SUSD1: variants seen among roughly 807,000 people sequenced by gnomAD.
SUSD1 encodes the protein sushi domain containing 1.
A neutral mutation model predicts 86.9 loss-of-function variants in SUSD1; 65 were observed. That is an observed-to-expected ratio of 0.75 (90% CI 0.61 to 0.92). SUSD1 has a LOEUF of 0.92. Ranked by LOEUF, SUSD1 falls within the 40% of genes least tolerant of loss-of-function variation. The pLI is 0.00. For missense variants in SUSD1, 850 were observed against 929.7 expected, an observed-to-expected ratio of 0.91 and a Z score of 1.11; for synonymous variants, 346 against 350.0, an observed-to-expected ratio of 0.99 and a Z score of 0.13.
chr9:112,097,491 C>T lies in SUSD1; in HGVS notation c.1474+979G>A, dbSNP rs562976391. The stretch of plus-strand genomic sequence containing the variant: ...TCGGCTCACTGCAACCTCTGCCTCC[C>T]GGGTTCAGTGATTCTCTTGCCTCAG... On this transcript the variant is annotated intron_variant, in intron 10 of 16. Transcript: ENST00000374270. Among the ~76,000 whole-genome samples the T allele has an allele frequency of 4.3e-4, 65 of 149,866 alleles. 2 individuals are homozygous for T. Among genetic ancestry groups the T allele is most frequent in the African/African-American group, 1.5e-3 (63 of 40,732 alleles).
At chr9:112,158,183 A>G (rs1589743710) in intron 1 of SUSD1, among the ~76,000 whole-genome samples, 2 of 151,712 alleles carry the variant, frequency 1.3e-5, no homozygotes, top group East Asian at 3.9e-4. Context: ...ATTGTTTCCG[A>G]GCCCCAACCA....
intron 5 of SUSD1, among the ~76,000 whole-genome samples, chr9:112,124,855 A>T (rs1429400754): frequency 6.6e-6 from 1 of 152,242 alleles, no homozygotes; most frequent in African/African-American, 2.4e-5. Flanking sequence ...TAATGGAGAA[A>T]GTATTTATCT....
intron 6 of SUSD1, among the ~76,000 whole-genome samples, chr9:112,115,817 A>G (rs10981263): frequency 1.2e-3 from 23 of 19,130 alleles, no homozygotes; most frequent in African/African-American, 4.4e-3. Context: ...GCAAAAAAAA[A>G]AAAAAAGAAA....
chr9:112,151,733 CTCTACTAAAAATA>C (rs1833054508), intron 2 of SUSD1, among the ~76,000 whole-genome samples: 1 of 151,580 alleles, frequency 6.6e-6, no homozygotes, highest in Non-Finnish European at 1.5e-5. Context: ...GAAACCCCGT[CTCTACTAAAAATA>C]CAAAAATTAG....
At chr9:112,153,534 A>G (rs1833157319) in intron 2 of SUSD1, among the ~76,000 whole-genome samples, 1 of 152,192 alleles carries the variant, frequency 6.6e-6, no homozygotes, top group Admixed American at 6.6e-5. Context: ...ACATTCTAAA[A>G]TAATGATAAA....
chr9:112,135,763 C>T (rs1832236287), intron 5 of SUSD1, among the ~76,000 whole-genome samples: 1 of 152,242 alleles, frequency 6.6e-6, no homozygotes, highest in African/African-American at 2.4e-5. Context: ...AAATGGCCCA[C>T]TTGCTCATGA....
intron 15 of SUSD1, among the ~76,000 whole-genome samples, chr9:112,043,851 A>T (rs1191308673): frequency 6.6e-6 from 1 of 152,050 alleles, no homozygotes; most frequent in Non-Finnish European, 1.5e-5. Flanking sequence ...CCCAGGCTGG[A>T]GTGCAGTGGC....
chr9:112,089,692 G>A (rs1012276505), intron 10 of SUSD1, among the ~76,000 whole-genome samples: 19 of 151,610 alleles, frequency 1.3e-4, no homozygotes, highest in Non-Finnish European at 2.1e-4. Flanking sequence ...CATGCCTGTA[G>A]TCCCATCTAC....
intron 10 of SUSD1, among the ~76,000 whole-genome samples, chr9:112,081,974 A>G (rs3849119): frequency 0.13 from 20,308 of 152,228 alleles, 1,704 homozygotes; most frequent in African/African-American, 0.23. Context: ...CCTTAGTTTA[A>G]TAGGGTTTAT....
chr9:112,134,381 C>G (rs1221580975), intron 5 of SUSD1, among the ~76,000 whole-genome samples: 4 of 152,114 alleles, frequency 2.6e-5, no homozygotes, highest in Non-Finnish European at 5.9e-5. Context: ...TACTACACAA[C>G]CATAAAAAAT....
rs1447415897 is a variant in SUSD1 at position 112,153,916 on chromosome 9, T to G, written c.217+3584A>C. On this transcript the variant is annotated intron_variant, in intron 2 of 16. Transcript: ENST00000374270. The stretch of plus-strand genomic sequence containing the variant: ...GGCATGACCCACCATGCCTGGCCTA[T>G]GTACTATACATTATTGTATGTGCTA... 2.0e-5 allele frequency among the ~76,000 whole-genome samples: 3 copies of G among 152,026 alleles called. No homozygotes were observed. The East Asian group carries it at 5.8e-4, about 29-fold the overall frequency.
intron 2 of SUSD1, among the ~76,000 whole-genome samples, chr9:112,157,087 C>T (rs1428602502): frequency 1.3e-5 from 2 of 152,162 alleles, no homozygotes; most frequent in African/African-American, 4.8e-5. Flanking sequence ...CCCAAAGCAA[C>T]AGTATTTTAC....
intron 11 of SUSD1, among the ~76,000 whole-genome samples, chr9:112,078,989 T>A (rs1018690043): frequency 2.6e-5 from 4 of 151,842 alleles, no homozygotes; most frequent in Non-Finnish European, 5.9e-5. Context: ...AATTTTTGTA[T>A]TTTTTGTAGA....
At chr9:112,065,244 C>T (rs1564259976) in intron 12 of SUSD1, among the ~76,000 whole-genome samples, 1 of 152,114 alleles carries the variant, frequency 6.6e-6, no homozygotes, top group African/African-American at 2.4e-5. Flanking sequence ...AAACACCGGC[C>T]AGGGACAGTG....
intron 14 of SUSD1, among the ~76,000 whole-genome samples, chr9:112,058,149 G>A (rs1828533853): frequency 6.6e-6 from 1 of 152,200 alleles, no homozygotes; most frequent in South Asian, 2.1e-4. Context: ...TTAGACTTCA[G>A]CAGTGCAATA....
intron 14 of SUSD1, 30 bp downstream of exon 14, chr9:112,058,398 G>A: frequency 1.3e-6 from 2 of 1,597,660 alleles, no homozygotes; most frequent in East Asian, 2.2e-5. Context: ...AGAAAATACA[G>A]AGTTCACAAG....
At chr9:112,131,929 G>A (rs1832051429) in intron 5 of SUSD1, among the ~76,000 whole-genome samples, 1 of 152,202 alleles carries the variant, frequency 6.6e-6, no homozygotes, top group South Asian at 2.1e-4. Flanking sequence ...TAGGACTCCT[G>A]AGGGAGTGGA....
intron 14 of SUSD1, among the ~76,000 whole-genome samples, chr9:112,054,560 C>T (rs1408681124): frequency 6.6e-6 from 1 of 151,668 alleles, no homozygotes; most frequent in Non-Finnish European, 1.5e-5. Context: ...GCACTCCAGC[C>T]TGGGTGACAA....
chr9:112,136,443 G>C (rs1832269610), intron 5 of SUSD1, among the ~76,000 whole-genome samples: 1 of 152,030 alleles, frequency 6.6e-6, no homozygotes, highest in Non-Finnish European at 1.5e-5. Flanking sequence ...TATGTTTTCC[G>C]GGCTGGTCTT....
Sources: allele counts gnomAD v4.1 joint callset (sites outside exome capture counted in the v4.1 genomes callset), GRCh38; gene constraint gnomAD v4.1.1; transcripts MANE v1.5; gene names NCBI Gene and HGNC (gene_info 2026-07-23, HGNC 2026-07-21).